The following SLC22A15 variants were observed in gnomAD, a reference collection of about 807,000 sequenced individuals.
The protein encoded by SLC22A15 is solute carrier family 22 member 15.
SLC22A15 carries 45 observed loss-of-function variants against 62.7 expected under a neutral mutation model. The observed-to-expected ratio is 0.72, with a 90% CI of 0.56 to 0.92. The LOEUF (loss-of-function observed/expected upper bound fraction) is 0.92, where lower values mean the gene tolerates loss of function less well. Among genes scored for constraint, SLC22A15 ranks in the 40% least tolerant of loss-of-function variants. The probability of loss-of-function intolerance (pLI) is 0.00; values close to 1 mark genes in which losing one functional copy is unlikely to be tolerated. For synonymous variants in SLC22A15, 264 were observed against 267.0 expected, an observed-to-expected ratio of 0.99 and a Z score of 0.11; for missense variants, 622 against 665.6, an observed-to-expected ratio of 0.93 and a Z score of 0.72.
chr1:116,022,846 C>T (rs1436752352), intron 4 of SLC22A15, among the ~76,000 whole-genome samples: 1 of 152,184 alleles, frequency 6.6e-6, no homozygotes, highest in Admixed American at 6.5e-5. Flanking sequence ...TGAGAGTTCC[C>T]TGAAGACCAG....
At position 116,042,153 on chromosome 1, in the gene SLC22A15, A is replaced by G. The variant is rs2101496823; in HGVS notation, c.1171+4765A>G. 1.3e-5 allele frequency among the ~76,000 whole-genome samples: 2 copies of G among 152,132 alleles called. 1 individual carries two copies. The highest frequency in any genetic ancestry group is 4.1e-4 in the South Asian group (2 of 4,824). On this transcript the variant is annotated intron_variant, in intron 8 of 11. Coordinates refer to ENST00000369503, the MANE Select transcript of SLC22A15 (RefSeq NM_018420.3). ...TCCACTCAAAATCACCAGGCATGCA[A>G]ATAAGCAGGAAAATACCTCCCACAA...
At chr1:115,978,639 G>A (rs1299085751) in intron 1 of SLC22A15, among the ~76,000 whole-genome samples, 1 of 152,168 alleles carries the variant, frequency 6.6e-6, no homozygotes, top group African/African-American at 2.4e-5. Context: ...TGAGATACAT[G>A]ATCCAGGGGG....
chr1:115,983,967 T>A (rs1654735163), intron 1 of SLC22A15, among the ~76,000 whole-genome samples: 1 of 152,234 alleles, frequency 6.6e-6, no homozygotes, highest in South Asian at 2.1e-4. Context: ...AAAAACATAC[T>A]AGCTAACACT....
At chr1:115,989,025 G>A (rs758522488) in intron 1 of SLC22A15, among the ~76,000 whole-genome samples, 3 of 152,110 alleles carry the variant, frequency 2.0e-5, no homozygotes, top group Non-Finnish European at 2.9e-5. Context: ...GTTTTATTGA[G>A]GCTGGCACTG....
At chr1:116,007,251 C>A (rs920232700) in intron 2 of SLC22A15, among the ~76,000 whole-genome samples, 3 of 152,198 alleles carry the variant, frequency 2.0e-5, no homozygotes, top group African/African-American at 7.2e-5. Flanking sequence ...TGGACTGTCC[C>A]TGCTGCACAG....
chr1:115,991,914 G>T, intron 1 of SLC22A15, 117 bp from the exon 2 acceptor site: 1 of 801,076 alleles, frequency 1.2e-6, no homozygotes, highest in Non-Finnish European at 2.0e-6. Context: ...TATATCTGTA[G>T]CTCATAAAAA....
chr1:116,067,148 T>C lies in SLC22A15; in HGVS notation c.*40T>C. 6.6e-7 allele frequency: 1 copy of C among 1,519,026 alleles called. No homozygotes were observed. The highest frequency in any genetic ancestry group is 9.1e-7 in the Non-Finnish European group (1 of 1,103,948). 94.1% of individuals were successfully genotyped at this position (1,519,026 alleles called of 1,614,324 possible). A position where few individuals can be genotyped will look rare whatever the true frequency, so the allele number is the denominator to read the frequency against. On this transcript the variant is annotated 3_prime_UTR_variant, in exon 12 of 12. Transcript: ENST00000369503. ...CCCCTAAGAAGCAAAGGATCGTCTT[T>C]TATGCCTCTGGCTAAGGCAGGTTCT...
intron 2 of SLC22A15, among the ~76,000 whole-genome samples, chr1:115,994,659 G>T (rs898307902): frequency 8.6e-5 from 13 of 152,046 alleles, no homozygotes; most frequent in African/African-American, 2.9e-4. Context: ...CATTATTATT[G>T]TCTCTCTGTT....
intron 2 of SLC22A15, among the ~76,000 whole-genome samples, chr1:115,998,577 T>G (rs766211333): frequency 8.5e-5 from 13 of 152,256 alleles, no homozygotes; most frequent in African/African-American, 1.9e-4. Context: ...TATTGGCATA[T>G]AGTTGCTCAT....
intron 8 of SLC22A15, among the ~76,000 whole-genome samples, chr1:116,050,135 C>A (rs1658013374): frequency 6.6e-6 from 1 of 151,926 alleles, no homozygotes; most frequent in South Asian, 2.1e-4. Flanking sequence ...AGTCCAGGAC[C>A]AGACAGATTT....
chr1:116,047,709 G>A (rs535560790), intron 8 of SLC22A15, among the ~76,000 whole-genome samples: 14 of 152,106 alleles, frequency 9.2e-5, no homozygotes, highest in South Asian at 4.1e-4. Context: ...GGAATACCCC[G>A]TGAGACAAAA....
chr1:115,983,249 C>A (rs2101055531), intron 1 of SLC22A15, among the ~76,000 whole-genome samples: 1 of 152,234 alleles, frequency 6.6e-6, no homozygotes, highest in East Asian at 1.9e-4. Context: ...TATTCATTTT[C>A]TTTTAAAACT....
chr1:116,007,471 C>G (rs796858637), intron 2 of SLC22A15, among the ~76,000 whole-genome samples: 4 of 152,294 alleles, frequency 2.6e-5, no homozygotes, highest in African/African-American at 9.6e-5. Context: ...CATCACTGAC[C>G]CACACAACAG....
chr1:116,062,164 G>A (rs746191577), intron 8 of SLC22A15, among the ~76,000 whole-genome samples: 2 of 152,146 alleles, frequency 1.3e-5, no homozygotes, highest in African/African-American at 2.4e-5. Flanking sequence ...AGGTGAGATC[G>A]CGCTGTGGCA....
At chr1:116,016,634 G>GCTT (rs1407743856) in intron 2 of SLC22A15, among the ~76,000 whole-genome samples, 1 of 152,118 alleles carries the variant, frequency 6.6e-6, no homozygotes, top group African/African-American at 2.4e-5. Flanking sequence ...CTCTGTCTGA[G>GCTT]CTTCTTCACA....
At position 116,037,351 on chromosome 1, in the gene SLC22A15, G is replaced by A. The variant is rs377323183; in HGVS notation, c.1134G>A (p.Leu378=). 4 of 1,613,368 alleles carry A rather than the reference G, an allele frequency of 2.5e-6. No homozygotes were observed. The highest frequency in any genetic ancestry group is 2.5e-6 in the Non-Finnish European group (3 of 1,179,474). The change falls in exon 8 of 12, where the codon CTG becomes CTA. Residue 378 remains leucine, a synonymous_variant. Transcript: ENST00000369503. ...CAGCATTTCTGTGCCTAGGAGGACT[G>A]GCTTGTCTTATTGTAATGTTTCTTC... ...TLSAFLCLGG[L]ACLIVMFLPE...
chr1:116,042,666 T>G (rs1189494612), intron 8 of SLC22A15, among the ~76,000 whole-genome samples: 2 of 152,354 alleles, frequency 1.3e-5, no homozygotes, highest in African/African-American at 4.8e-5. Flanking sequence ...CTAACTGTGT[T>G]TGTGTATACT....
At position 116,067,065 on chromosome 1, in the gene SLC22A15, A is replaced by T. The variant is rs2101582998; in HGVS notation, c.1601A>T (p.Glu534Val). ...TTAGGGAGTGAGAGTGAGGAAGAGG[A>T]AGAATTTTATGATGCAGATGAAGAG... ...SSLGSESEEE[E>V]EFYDADEETQ... Residue 534 changes from glutamate to valine, a missense_variant, in exon 12 of 12, where the codon GAA becomes GTA. Transcript: ENST00000369503. The T allele has an allele frequency of 6.2e-7, 1 of 1,612,824 alleles. No homozygotes were observed. Among genetic ancestry groups the T allele is most frequent in the East Asian group, 2.2e-5 (1 of 44,832 alleles).
chr1:116,002,056 A>G (rs578143893), intron 2 of SLC22A15, among the ~76,000 whole-genome samples: 2 of 152,346 alleles, frequency 1.3e-5, no homozygotes, highest in South Asian at 4.1e-4. Context: ...AGTGCATGAG[A>G]TAGCACCTCA....
Sources: allele counts gnomAD v4.1 joint callset (sites outside exome capture counted in the v4.1 genomes callset), GRCh38; gene constraint gnomAD v4.1.1; transcripts MANE v1.5; gene names NCBI Gene and HGNC (gene_info 2026-07-23, HGNC 2026-07-21).